Variants in NLK observed in about 807,000 individuals in gnomAD.
NLK encodes the protein serine/threonine-protein kinase NLK.
Under a neutral mutation model 59.0 loss-of-function variants are expected in NLK, and 11 were observed. The ratio of observed to expected loss-of-function variants is 0.19; its 90% confidence interval spans 0.12 to 0.31. The LOEUF (loss-of-function observed/expected upper bound fraction) is 0.31. Among genes scored for constraint, NLK ranks in the 10% least tolerant of loss-of-function variants. NLK has a pLI of 1.00. For missense variants in NLK, 410 were observed against 661.1 expected, an observed-to-expected ratio of 0.62 and a Z score of 4.16; for synonymous variants, 235 against 235.9, an observed-to-expected ratio of 1.00 and a Z score of 0.03.
chr17:28,091,598 A>C (rs1169203127), intron 1 of NLK, among the ~76,000 whole-genome samples: 1 of 152,110 alleles, frequency 6.6e-6, no homozygotes, highest in Non-Finnish European at 1.5e-5. Context: ...CCACATAGTT[A>C]ACATTTCAGT....
chr17:28,097,003 G>A (rs1904724215), intron 1 of NLK, among the ~76,000 whole-genome samples: 1 of 152,104 alleles, frequency 6.6e-6, no homozygotes, highest in South Asian at 2.1e-4. Flanking sequence ...TGTCATTTAT[G>A]TTACAGTACA....
the NLK span, among the ~76,000 whole-genome samples, chr17:28,203,998 C>G: frequency 6.6e-6 from 1 of 152,222 alleles, no homozygotes; most frequent in Non-Finnish European, 1.5e-5. Context: ...TAGTTTCACA[C>G]TTCTCAGAGA....
intron 2 of NLK, among the ~76,000 whole-genome samples, chr17:28,130,454 T>C (rs1292267583): frequency 1.3e-5 from 2 of 152,172 alleles, no homozygotes; most frequent in African/African-American, 4.8e-5. Flanking sequence ...GTTTAAAATA[T>C]TGTACCTTTT....
intron 1 of NLK, among the ~76,000 whole-genome samples, chr17:28,099,568 C>CTTTTTTTTTT (rs945214545): frequency 2.2e-4 from 27 of 122,940 alleles, no homozygotes; most frequent in African/African-American, 9.0e-4. Flanking sequence ...TTGTGTTTGA[C>CTTTTTTTTTT]TTTTTTTTTT....
At chr17:28,135,754 A>T (rs1906719584) in intron 3 of NLK, among the ~76,000 whole-genome samples, 1 of 152,238 alleles carries the variant, frequency 6.6e-6, no homozygotes, top group Non-Finnish European at 1.5e-5. Context: ...TTCATTGAAC[A>T]CTTAGTTAAT....
intron 1 of NLK, among the ~76,000 whole-genome samples, chr17:28,064,586 T>TG (rs1177695658): frequency 6.6e-6 from 1 of 152,112 alleles, no homozygotes; most frequent in African/African-American, 2.4e-5. Context: ...TTTTCAGGGA[T>TG]GGGGTCTCAT....
At chr17:28,133,368 C>G (rs1906601236) in intron 3 of NLK, among the ~76,000 whole-genome samples, 1 of 152,138 alleles carries the variant, frequency 6.6e-6, no homozygotes, top group Admixed American at 6.5e-5. Flanking sequence ...GGTATTCTGA[C>G]TATGTAGTCT....
rs1555553776 is a variant in NLK at position 28,043,092 on chromosome 17, G to A, written c.219G>A (p.Ala73=). The part of the protein sequence containing the change: ...PVQQHTSSAA[A]AAAAAAAAAA... The stretch of plus-strand genomic sequence containing the variant: ...AGCAGCACACCTCTTCGGCAGCTGC[G>A]GCAGCCGCAGCAGCGGCTGCAGCTG... The change falls in exon 1 of 11, where the codon GCG becomes GCA. Residue 73 remains alanine, a synonymous_variant. Transcript: ENST00000407008. 6.3e-6 allele frequency: 10 copies of A among 1,579,220 alleles called. No individual in the cohort carries two copies. Among genetic ancestry groups the A allele is most frequent in the Non-Finnish European group, 7.7e-6 (9 of 1,162,494 alleles).
chr17:28,128,682 A>G (rs1168590414), intron 2 of NLK, among the ~76,000 whole-genome samples: 2 of 152,232 alleles, frequency 1.3e-5, no homozygotes, highest in Admixed American at 1.3e-4. Context: ...ACATAGATCA[A>G]CTGAAACTCT....
intron 3 of NLK, among the ~76,000 whole-genome samples, chr17:28,157,255 G>A (rs900188845): frequency 2.0e-5 from 3 of 151,986 alleles, no homozygotes; most frequent in Non-Finnish European, 4.4e-5. Flanking sequence ...GCAGTGGTGC[G>A]ATCTCAGCTC....
At chr17:28,050,426 CAT>C in intron 1 of NLK, among the ~76,000 whole-genome samples, 1 of 152,160 alleles carries the variant, frequency 6.6e-6, no homozygotes, top group South Asian at 2.1e-4. Context: ...ATTAATAAAG[CAT>C]ATGTGGACAT....
chr17:28,141,374 T>A (rs1906985630), intron 3 of NLK, among the ~76,000 whole-genome samples: 1 of 152,214 alleles, frequency 6.6e-6, no homozygotes, highest in African/African-American at 2.4e-5. Context: ...TGAGCTACAC[T>A]GGTGATGGGT....
chr17:28,115,255 G>A (rs1232003044), intron 1 of NLK, among the ~76,000 whole-genome samples: 1 of 152,198 alleles, frequency 6.6e-6, no homozygotes, highest in African/African-American at 2.4e-5. Flanking sequence ...CACCCTTGCA[G>A]TCTCTCTCTA....
intron 2 of NLK, among the ~76,000 whole-genome samples, chr17:28,123,603 T>C (rs982185687): frequency 6.6e-6 from 1 of 152,224 alleles, no homozygotes; most frequent in Non-Finnish European, 1.5e-5. Flanking sequence ...TTAAGTGCTT[T>C]ATTTTTATCT....
chr17:28,131,852 C>A (rs1906532683), intron 2 of NLK, among the ~76,000 whole-genome samples: 1 of 152,090 alleles, frequency 6.6e-6, no homozygotes, highest in African/African-American at 2.4e-5. Context: ...TTACAAGAAT[C>A]TTGGAATAAA....
intron 10 of NLK, among the ~76,000 whole-genome samples, chr17:28,193,017 C>G (rs1380187283): frequency 1.3e-5 from 2 of 152,218 alleles, no homozygotes; most frequent in African/African-American, 4.8e-5. Context: ...TCTGTCTGTC[C>G]TTTCCTTCTC....
intron 1 of NLK, among the ~76,000 whole-genome samples, chr17:28,106,142 C>T (rs1905071717): frequency 6.6e-6 from 1 of 152,140 alleles, no homozygotes; most frequent in Non-Finnish European, 1.5e-5. Flanking sequence ...TTGAGTACCT[C>T]ACTCTACATA....
intron 1 of NLK, among the ~76,000 whole-genome samples, chr17:28,055,974 T>C (rs142387305): frequency 6.6e-6 from 1 of 152,354 alleles, no homozygotes; most frequent in Non-Finnish European, 1.5e-5. Context: ...CCCTCCTCCT[T>C]ATTATCAGAG....
intron 1 of NLK, among the ~76,000 whole-genome samples, chr17:28,066,120 T>C (rs939693309): frequency 8.5e-5 from 13 of 152,174 alleles, no homozygotes; most frequent in African/African-American, 1.4e-4. Context: ...TCCACTATTA[T>C]CTTCTTTCAG....
Sources: allele counts gnomAD v4.1 joint callset (sites outside exome capture counted in the v4.1 genomes callset), GRCh38; gene constraint gnomAD v4.1.1; transcripts MANE v1.5; gene names NCBI Gene and HGNC (gene_info 2026-07-23, HGNC 2026-07-21).